Variants in FHIP1A observed in about 807,000 individuals in gnomAD.
FHIP1A encodes FHF complex subunit HOOK-interacting protein 1A.
In FHIP1A, 61 loss-of-function variants were observed where a neutral mutation model predicts 88.6. The ratio of observed to expected loss-of-function variants is 0.69; its 90% CI spans 0.56 to 0.85. FHIP1A has a LOEUF of 0.85. FHIP1A is among the 40% of genes least tolerant of loss of function. The pLI is 0.00. For missense variants in FHIP1A, 1,154 were observed against 1,273.5 expected, an observed-to-expected ratio of 0.91 and a Z score of 1.43; for synonymous variants, 478 against 496.0, an observed-to-expected ratio of 0.96 and a Z score of 0.48.
intron 1 of FHIP1A, among the ~76,000 whole-genome samples, chr4:151,419,592 T>A (rs1733042241): frequency 1.9e-5 from 1 of 52,296 alleles, no homozygotes; most frequent in Non-Finnish European, 4.1e-5. Flanking sequence ...TTTTTTTTTT[T>A]TTTTTTTTTT....
intron 8 of FHIP1A, among the ~76,000 whole-genome samples, chr4:151,637,894 A>G (rs1416272972): frequency 2.0e-5 from 3 of 152,188 alleles, no homozygotes; most frequent in African/African-American, 4.8e-5. Context: ...TTTAAGCCCA[A>G]CCTGCCTAGA....
Position 151,661,281 on chromosome 4 carries a change from C to T in FHIP1A, c.2870-1220C>T, listed in dbSNP as rs145710891. 1.3e-3 allele frequency among the ~76,000 whole-genome samples: 199 copies of T among 152,118 alleles called. 1 individual carries two copies. The highest frequency in any genetic ancestry group is 4.6e-3 in the African/African-American group (190 of 41,486). ...AACACTTTTGTGCTCACTCTGTTGC[C>T]GGGACATGAATTTCTGCTGAAAGGT... On this transcript the variant is annotated intron_variant, in intron 13 of 13. Transcript: ENST00000435205.
intron 2 of FHIP1A, among the ~76,000 whole-genome samples, chr4:151,468,762 A>C (rs536870234): frequency 1.9e-4 from 29 of 152,180 alleles, no homozygotes; most frequent in Non-Finnish European, 3.7e-4. Context: ...TTGTCTGAAT[A>C]CTGCTAAGGT....
chr4:151,621,368 C>T (rs1025034857), intron 7 of FHIP1A, among the ~76,000 whole-genome samples: 7 of 149,694 alleles, frequency 4.7e-5, no homozygotes, highest in African/African-American at 1.7e-4. Context: ...TTCTGCCTTC[C>T]CATTGTATTG....
intron 2 of FHIP1A, among the ~76,000 whole-genome samples, chr4:151,481,630 T>A (rs1204347827): frequency 6.6e-6 from 1 of 152,108 alleles, no homozygotes; most frequent in African/African-American, 2.4e-5. Context: ...GAATGGCTAC[T>A]CCATAGGCAG....
At chr4:151,631,494 T>C (rs1025786915) in intron 8 of FHIP1A, among the ~76,000 whole-genome samples, 1 of 152,150 alleles carries the variant, frequency 6.6e-6, no homozygotes, top group African/African-American at 2.4e-5. Context: ...CAGACCCAGA[T>C]GGCCTCACTG....
chr4:151,561,165 G>T (rs533213559), intron 3 of FHIP1A, among the ~76,000 whole-genome samples: 1 of 152,226 alleles, frequency 6.6e-6, no homozygotes, highest in Admixed American at 6.5e-5. Context: ...AAACCATTTG[G>T]AATGTGTGTA....
chr4:151,437,997 T>G (rs1328939042), intron 1 of FHIP1A, among the ~76,000 whole-genome samples: 2 of 152,198 alleles, frequency 1.3e-5, no homozygotes, highest in Admixed American at 1.3e-4. Context: ...TATCACATGC[T>G]TAGAAAAATA....
chr4:151,583,887 T>A (rs541600039), intron 5 of FHIP1A, among the ~76,000 whole-genome samples: 1 of 152,330 alleles, frequency 6.6e-6, no homozygotes, highest in South Asian at 2.1e-4. Context: ...ATGTTCACTT[T>A]AAATAGGGGA....
intron 3 of FHIP1A, among the ~76,000 whole-genome samples, chr4:151,541,884 G>A (rs1397616163): frequency 1.3e-5 from 2 of 152,076 alleles, no homozygotes; most frequent in East Asian, 1.9e-4. Flanking sequence ...ACTACAGTAC[G>A]CCTTTTCGGT....
intron 1 of FHIP1A, among the ~76,000 whole-genome samples, chr4:151,419,114 A>G (rs1733012962): frequency 6.6e-6 from 1 of 152,122 alleles, no homozygotes; most frequent in South Asian, 2.1e-4. Context: ...TATGTCTGTG[A>G]GAGGATTTCT....
intron 7 of FHIP1A, among the ~76,000 whole-genome samples, chr4:151,616,444 CTTTTTTTTTTT>C (rs763599410): frequency 1.8e-5 from 2 of 113,388 alleles, no homozygotes; most frequent in African/African-American, 3.3e-5. Flanking sequence ...TTCTTTCTTT[CTTTTTTTTTTT>C]TTTTTTTTTT....
At position 151,646,640 on chromosome 4, in the gene FHIP1A, A is replaced by C. The variant is rs1403592414; in HGVS notation, c.1309A>C (p.Lys437Gln). Reference sequence around the variant, plus strand: ...AGACTGTTACTCTGTTTCTGCGGCCAAGCTTCTCGCCTTGACTCCTGTCTG... The same window carrying C: ...AGACTGTTACTCTGTTTCTGCGGCCCAGCTTCTCGCCTTGACTCCTGTCTG... ...ERDCYSVSAA[K>Q]LLALTPVCCS... The change falls in exon 10 of 14, where the codon AAG becomes CAG. Residue 437 changes from lysine (K) to glutamine (Q), a missense_variant. By Grantham distance (53) the Lys-to-Gln change is moderately conservative. Coordinates refer to ENST00000435205, the MANE Select transcript of FHIP1A (RefSeq NM_001109977.3). The C allele has an allele frequency of 6.4e-7, 1 of 1,551,520 alleles. No homozygotes were observed. The highest frequency in any genetic ancestry group is 1.4e-5 in the African/African-American group (1 of 73,040).
chr4:151,559,313 A>G (rs1733078220), intron 3 of FHIP1A, among the ~76,000 whole-genome samples: 1 of 152,196 alleles, frequency 6.6e-6, no homozygotes, highest in African/African-American at 2.4e-5. Flanking sequence ...ATTTTGTTAA[A>G]TAAAAAATGT....
chr4:151,662,764 T>TA lies in FHIP1A; in HGVS notation c.*10_*11insA. The TA allele has an allele frequency of 6.8e-7, 1 of 1,476,046 alleles. No individual in the cohort carries two copies. The highest frequency in any genetic ancestry group is 1.4e-5 in the South Asian group (1 of 72,048). The allele number at this position is 1,476,046 out of a possible 1,614,324, so 91.4% of individuals were successfully genotyped here. A position where few individuals can be genotyped will look rare whatever the true frequency, so the allele number is the denominator to read the frequency against. Reference sequence around the variant, plus strand: ...GGACTCCTGCTGTTAGCTTTTTTTTTTTTTTTTAATAGAGGTTCTTGTTTT... The same window carrying TA: ...GGACTCCTGCTGTTAGCTTTTTTTTTATTTTTTTAATAGAGGTTCTTGTTTT... On this transcript the variant is annotated 3_prime_UTR_variant, in exon 14 of 14. Coordinates refer to ENST00000435205, the MANE Select transcript of FHIP1A (RefSeq NM_001109977.3).
chr4:151,474,054 A>G (rs183939328), intron 2 of FHIP1A, among the ~76,000 whole-genome samples: 1 of 152,294 alleles, frequency 6.6e-6, no homozygotes, highest in Admixed American at 6.5e-5. Context: ...ATTTTCCATA[A>G]ATTTTACTGC....
intron 2 of FHIP1A, among the ~76,000 whole-genome samples, chr4:151,476,919 A>G (rs1329394364): frequency 6.6e-6 from 1 of 152,166 alleles, no homozygotes; most frequent in African/African-American, 2.4e-5. Context: ...CTAAGAATAA[A>G]CTTAGGAAAA....
In FHIP1A at chr4:151,507,132, C is replaced by CT. The variant is rs895706596; in HGVS notation, c.-123+24493dup. On this transcript the variant is annotated intron_variant, in intron 3 of 13. Coordinates refer to ENST00000435205, the MANE Select transcript of FHIP1A (RefSeq NM_001109977.3). Reference sequence around the variant, plus strand: ...TGAAAGCCTTTCCCCTGCCCCCCCACTTTTTTTTTGAGATATGGTCTCACT... The same window carrying CT: ...TGAAAGCCTTTCCCCTGCCCCCCCACTTTTTTTTTTGAGATATGGTCTCACT... Among the ~76,000 whole-genome samples, 97 of 151,246 alleles carry CT rather than the reference C, an allele frequency of 6.4e-4. 1 individual carries two copies. Among genetic ancestry groups the CT allele is most frequent in the African/African-American group, 2.2e-3 (89 of 41,280 alleles).
At chr4:151,569,506 T>G (rs559554665) in intron 4 of FHIP1A, among the ~76,000 whole-genome samples, 9 of 151,842 alleles carry the variant, frequency 5.9e-5, no homozygotes, top group African/African-American at 1.7e-4. Flanking sequence ...GAGCCGAAAT[T>G]GCGCCACTGC....
Sources: gnomAD v4.1 joint callset for allele counts (sites outside exome capture counted in the v4.1 genomes callset) on GRCh38, gnomAD v4.1.1 for gene constraint, MANE v1.5 for transcripts, NCBI Gene and HGNC (gene_info 2026-07-23, HGNC 2026-07-21) for gene names.